The following PCDH11X variants were observed in gnomAD, a reference collection of about 807,000 sequenced individuals.
The protein encoded by PCDH11X is protocadherin-11 X-linked.
A neutral mutation model predicts 53.3 loss-of-function variants in PCDH11X; 18 were observed. That is an observed-to-expected ratio of 0.34 (90% confidence interval 0.23 to 0.50). PCDH11X has a LOEUF of 0.50. Ranked by LOEUF, PCDH11X falls within the 20% of genes least tolerant of loss-of-function variation. The pLI is 0.98. For missense variants in PCDH11X, 570 were observed against 1,032.4 expected (o/e 0.55, Z 6.14); for synonymous variants, 279 against 393.3 (o/e 0.71, Z 3.44).
intron 7 of PCDH11X, among the ~76,000 whole-genome samples, chrX:92,255,261 G>A (rs1011305863): frequency 4.3e-4 from 45 of 105,039 alleles, no homozygotes; most frequent in African/African-American, 6.9e-4. Context: ...CATTCTTCAC[G>A]TAGTTCTCGA....
chrX:92,270,384 A>G (rs76556166), intron 8 of PCDH11X, among the ~76,000 whole-genome samples: 7,826 of 111,336 alleles, frequency 0.07, 474 homozygotes, highest in East Asian at 0.28. Context: ...TCAGCCTCCC[A>G]AAGTGCTGGG....
chrX:92,607,548 C>T (rs1926951049), intron 10 of PCDH11X, among the ~76,000 whole-genome samples: 1 of 111,315 alleles, frequency 9.0e-6, no homozygotes, highest in African/African-American at 3.3e-5. Context: ...GATGGTTGCA[C>T]AATGCTGTGA....
chrX:92,117,305 G>A (rs1390443553), intron 6 of PCDH11X, among the ~76,000 whole-genome samples: 7 of 109,408 alleles, frequency 6.4e-5, no homozygotes, highest in Admixed American at 2.0e-4. Flanking sequence ...GCATGGTGGC[G>A]GACACCTATA....
chrX:92,572,799 C>A (rs1922359427), intron 10 of PCDH11X, among the ~76,000 whole-genome samples: 1 of 97,147 alleles, frequency 1.0e-5, no homozygotes, highest in Non-Finnish European at 2.1e-5. Context: ...CAAGAGAATC[C>A]CTTGAATCTG....
In PCDH11X at chrX:91,951,793, G is replaced by A. The variant is rs577369125; in HGVS notation, c.3033+72520G>A. Among the ~76,000 whole-genome samples, 160 of 111,377 alleles carry A rather than the reference G, an allele frequency of 1.4e-3. 3 individuals are homozygous for A. The South Asian group carries it at 0.06, about 42-fold the overall frequency. On this transcript the variant is annotated intron_variant, in intron 6 of 10. Transcript: ENST00000682573. Reference sequence around the variant, plus strand: ...TCTGATGATCCTTAGGTAAGGATTTGGAAATTTCTTACATTTTCATTATTA... The same window carrying A: ...TCTGATGATCCTTAGGTAAGGATTTAGAAATTTCTTACATTTTCATTATTA...
rs1156783284 is a variant in PCDH11X at position 92,092,446 on chromosome X, A to G, written c.3034-108929A>G. On this transcript the variant is annotated intron_variant, in intron 6 of 10. Transcript: ENST00000682573. ...CCATGACAGCCCCAGGAGGTCCTCA[A>G]AACATGTTCCCAAGGTAGTCAAAGC... Among the ~76,000 whole-genome samples, 3 of 111,285 alleles carry G rather than the reference A, an allele frequency of 2.7e-5. No homozygotes were observed. The East Asian group carries it at 8.5e-4, about 32-fold the overall frequency.
chrX:91,932,699 TGCGCGC>T (rs1309284881), intron 6 of PCDH11X, among the ~76,000 whole-genome samples: 3 of 92,359 alleles, frequency 3.2e-5, no homozygotes, highest in Non-Finnish European at 6.4e-5. Context: ...TGTGTGTGTG[TGCGCGC>T]GCGCGCGCCT....
chrX:92,337,637 T>G (rs943897086), intron 8 of PCDH11X, among the ~76,000 whole-genome samples: 1 of 110,288 alleles, frequency 9.1e-6, no homozygotes, highest in African/African-American at 3.3e-5. Flanking sequence ...TAGAGATATG[T>G]ATTGATATGA....
rs1382815302 is a variant in PCDH11X, at chrX:91,933,887, A to G, written c.3033+54614A>G. On this transcript the variant is annotated intron_variant, in intron 6 of 10. Transcript: ENST00000682573. ...TCTAGTAAAAAAAGTAATAACAATC[A>G]TAATGTGAACAATTAACAAAAATCA... Among the ~76,000 whole-genome samples the G allele has an allele frequency of 8.2e-5, 9 of 109,934 alleles. No individual in the cohort carries two copies. The East Asian group carries it at 2.6e-3, about 32-fold the overall frequency.
chrX:92,058,569 T>G (rs2063484557), intron 6 of PCDH11X, among the ~76,000 whole-genome samples: 1 of 111,807 alleles, frequency 8.9e-6, no homozygotes, highest in South Asian at 3.6e-4. Flanking sequence ...GTAATTCATT[T>G]CTATATACAA....
At chrX:91,818,294 T>C (rs999305710) in intron 4 of PCDH11X, among the ~76,000 whole-genome samples, 1 of 111,003 alleles carries the variant, frequency 9.0e-6, no homozygotes, top group Non-Finnish European at 1.9e-5. Context: ...TCTAAACCAA[T>C]GTGAGATCAA....
Position 91,924,820 on chromosome X carries a change from A to C in PCDH11X, c.3033+45547A>C, listed in dbSNP as rs182530638. 5.4e-5 allele frequency among the ~76,000 whole-genome samples: 6 copies of C among 111,401 alleles called. No homozygotes were observed. In the East Asian group the frequency reaches 1.7e-3, roughly 32 times the overall value. ...TCATCAGTAATTGTGTATGTGTAGT[A>C]AGTAAGGCACAAAACTAGTATAGAA... On this transcript the variant is annotated intron_variant, in intron 6 of 10. Coordinates refer to ENST00000682573, the MANE Select transcript of PCDH11X (RefSeq NM_032968.5).
At chrX:91,901,513 C>A (rs1940953745) in intron 6 of PCDH11X, among the ~76,000 whole-genome samples, 1 of 111,204 alleles carries the variant, frequency 9.0e-6, no homozygotes, top group Admixed American at 9.7e-5. Context: ...ATTCTTTCTC[C>A]ATAGGCATAG....
intron 6 of PCDH11X, among the ~76,000 whole-genome samples, chrX:92,175,756 A>ACGTGTGTGTGTG (rs1556139811): frequency 7.0e-5 from 5 of 70,940 alleles, no homozygotes; most frequent in Non-Finnish European, 1.3e-4. Flanking sequence ...GTATACATAT[A>ACGTGTGTGTGTG]TGTGTGTGTG....
chrX:91,796,837 A>G (rs1935751866), intron 1 of PCDH11X, among the ~76,000 whole-genome samples: 1 of 111,721 alleles, frequency 9.0e-6, no homozygotes, highest in African/African-American at 3.2e-5. Flanking sequence ...TGGTATGAAT[A>G]TAGAAATTGA....
At chrX:91,984,237 T>C (rs2062193760) in intron 6 of PCDH11X, among the ~76,000 whole-genome samples, 1 of 101,290 alleles carries the variant, frequency 9.9e-6, no homozygotes, top group Non-Finnish European at 2.0e-5. Flanking sequence ...GTTTTCACTT[T>C]TTTAATAAAT....
At chrX:92,563,328 A>G (rs1408674267) in intron 10 of PCDH11X, among the ~76,000 whole-genome samples, 1 of 108,986 alleles carries the variant, frequency 9.2e-6, no homozygotes, top group Non-Finnish European at 1.9e-5. Flanking sequence ...CTCACTCTCT[A>G]TCAGGGGGAT....
At chrX:91,963,145 C>G (rs1339468382) in intron 6 of PCDH11X, among the ~76,000 whole-genome samples, 5 of 111,591 alleles carry the variant, frequency 4.5e-5, no homozygotes, top group Non-Finnish European at 9.4e-5. Flanking sequence ...AATTTCTTAT[C>G]AGAAAATGGG....
chrX:91,882,991 A>T, intron 6 of PCDH11X: 3 of 1,158,871 alleles, frequency 2.6e-6, no homozygotes, highest in Non-Finnish European at 3.5e-6. Flanking sequence ...CTTCCAAAAA[A>T]TTTCAATGAT....
Sources: gnomAD v4.1 joint callset for allele counts (sites outside exome capture counted in the v4.1 genomes callset) on GRCh38, gnomAD v4.1.1 for gene constraint, MANE v1.5 for transcripts, NCBI Gene and HGNC (gene_info 2026-07-23, HGNC 2026-07-21) for gene names.